Variants in LARGE1 observed in about 807,000 individuals in gnomAD.
LARGE1 encodes the protein xylosyl- and glucuronyltransferase LARGE1.
LARGE1 carries 43 observed loss-of-function variants against 87.6 expected under a neutral mutation model. That is an observed-to-expected ratio of 0.49 (90% confidence interval 0.38 to 0.63). LARGE1 has a LOEUF of 0.63. LARGE1 is among the 30% of genes least tolerant of loss of function. The probability of loss-of-function intolerance (pLI) is 0.00; values close to 1 mark genes in which losing one functional copy is unlikely to be tolerated. For missense variants in LARGE1, 802 were observed against 1,000.2 expected (o/e 0.80, Z 2.67); for synonymous variants, 434 against 394.6 (o/e 1.10, Z -1.18).
chr22:33,253,584 C>T (rs568482392), intron 11 of LARGE1, among the ~76,000 whole-genome samples: 38 of 152,248 alleles, frequency 2.5e-4, no homozygotes, highest in Middle Eastern at 3.4e-3. Context: ...TGGTGGCAGG[C>T]GCCTATAATC....
rs747508359 is a variant in LARGE1, at chr22:33,626,225, G to C, written c.491+19C>G. On this transcript the variant is annotated intron_variant, in intron 4 of 14. Transcript: ENST00000397394. ...GCAGTGACAGACCTCAGCCCACACA[G>C]CACAGAAGTTGTTCTTACCTATGGA... 7 of 1,608,350 alleles carry C rather than the reference G, an allele frequency of 4.4e-6. No homozygotes were observed. The highest frequency in any genetic ancestry group is 5.1e-6 in the Non-Finnish European group (6 of 1,174,882).
At chr22:33,778,878 C>T (rs1180379848) in intron 1 of LARGE1, among the ~76,000 whole-genome samples, 1 of 152,070 alleles carries the variant, frequency 6.6e-6, no homozygotes, top group African/African-American at 2.4e-5. Context: ...CTCGAACTCT[C>T]GACCTCAGGT....
Position 33,275,198 on chromosome 22 carries a change from G to A in LARGE1, c.2074-574C>T, listed in dbSNP as rs1321987558. On this transcript the variant is annotated intron_variant, in intron 14 of 14. Transcript: ENST00000397394. ...AACCTCTCCCTGACACATCTTTATCGCAGGTCACACTGTCACCCAGTATTC... is the reference window on the plus strand; with the variant it reads ...AACCTCTCCCTGACACATCTTTATCACAGGTCACACTGTCACCCAGTATTC... Among the ~76,000 whole-genome samples, 14 of 152,186 alleles carry A rather than the reference G, an allele frequency of 9.2e-5. 1 individual carries two copies. Among genetic ancestry groups the A allele is most frequent in the Admixed American group, 7.2e-4 (11 of 15,294 alleles).
In LARGE1 at chr22:33,337,751, C is replaced by G. The variant is rs751250015; in HGVS notation, c.1182G>C (p.Val394=). The change falls in exon 10 of 15, where the codon GTG becomes GTC. Residue 394 remains valine, a synonymous_variant. Transcript: ENST00000397394. The part of the protein sequence containing the change: ...PKKLRVKNKH[V]EFFRNLYLTF... ...TCAGGTAGAGGTTGCGAAAAAACTC[C>G]ACATGCTTGTTCTTCACCCGGAGCT... 5 of 1,614,198 alleles carry G rather than the reference C, an allele frequency of 3.1e-6. No homozygotes were observed. The highest frequency in any genetic ancestry group is 4.2e-6 in the Non-Finnish European group (5 of 1,180,034).
intron 2 of LARGE1, among the ~76,000 whole-genome samples, chr22:33,747,181 G>C (rs918756629): frequency 6.6e-6 from 1 of 152,182 alleles, no homozygotes; most frequent in Non-Finnish European, 1.5e-5. Flanking sequence ...CTAAAGGCAA[G>C]TCCAGATTGA....
At chr22:33,725,434 T>C (rs2083241209) in intron 2 of LARGE1, among the ~76,000 whole-genome samples, 1 of 152,182 alleles carries the variant, frequency 6.6e-6, no homozygotes, top group Non-Finnish European at 1.5e-5. Context: ...TCCCTCCCAG[T>C]TGAGGGTTCA....
chr22:33,311,605 T>C (rs1346461866), intron 11 of LARGE1, among the ~76,000 whole-genome samples: 2 of 152,214 alleles, frequency 1.3e-5, no homozygotes, highest in Admixed American at 1.3e-4. Context: ...ATGAGTCAAG[T>C]GAGGCTCAAA....
intron 2 of LARGE1, among the ~76,000 whole-genome samples, chr22:33,745,610 A>AT (rs1415447804): frequency 6.6e-6 from 1 of 152,170 alleles, no homozygotes; most frequent in Non-Finnish European, 1.5e-5. Flanking sequence ...TAACTCACAG[A>AT]TACAGCTTCT....
At chr22:33,793,507 A>G (rs1274022986) in intron 1 of LARGE1, among the ~76,000 whole-genome samples, 1 of 152,214 alleles carries the variant, frequency 6.6e-6, no homozygotes, top group Non-Finnish European at 1.5e-5. Context: ...TCCATTTAGG[A>G]AATGAAAGGT....
intron 3 of LARGE1, among the ~76,000 whole-genome samples, chr22:33,636,439 T>TTCA (rs1439090090): frequency 6.6e-6 from 1 of 152,190 alleles, no homozygotes; most frequent in Non-Finnish European, 1.5e-5. Flanking sequence ...GCTCTGACCC[T>TTCA]TCACCTCACC....
intron 6 of LARGE1, among the ~76,000 whole-genome samples, chr22:33,492,419 G>T (rs956431269): frequency 3.3e-5 from 5 of 152,198 alleles, no homozygotes; most frequent in African/African-American, 9.7e-5. Context: ...CACCTCCTGG[G>T]CACCACACTT....
chr22:33,262,827 C>T (rs1341915821), intron 11 of LARGE1, among the ~76,000 whole-genome samples: 3 of 150,206 alleles, frequency 2.0e-5, no homozygotes, highest in Admixed American at 2.0e-4. Flanking sequence ...TTCCTGACTT[C>T]CTTCCTTCAC....
At chr22:33,107,449 C>T in the LARGE1 span, among the ~76,000 whole-genome samples, 19 of 152,138 alleles carry the variant, frequency 1.2e-4, no homozygotes, top group East Asian at 5.8e-4. Flanking sequence ...CAGCTACTTG[C>T]GGGGCTGAGG....
chr22:33,150,625 T>C, the LARGE1 span, among the ~76,000 whole-genome samples: 2 of 152,226 alleles, frequency 1.3e-5, no homozygotes, highest in Non-Finnish European at 2.9e-5. Context: ...AGTTTCTGTA[T>C]AAAGTGTGAG....
intron 13 of LARGE1, among the ~76,000 whole-genome samples, chr22:33,278,818 C>G (rs946981885): frequency 2.0e-5 from 3 of 152,170 alleles, no homozygotes; most frequent in African/African-American, 7.2e-5. Flanking sequence ...CTCCCCGGTT[C>G]AAGCGATTCT....
downstream of LARGE1, among the ~76,000 whole-genome samples, chr22:33,161,790 G>A (rs77127757): frequency 0.013 from 1,928 of 152,302 alleles, 31 homozygotes; most frequent in Admixed American, 0.052. Flanking sequence ...CTGGCATTGA[G>A]TGTCTGTGAC....
the LARGE1 span, among the ~76,000 whole-genome samples, chr22:33,083,629 T>A: frequency 6.6e-6 from 1 of 152,154 alleles, no homozygotes; most frequent in Non-Finnish European, 1.5e-5. Flanking sequence ...TAGTGATCAG[T>A]GGAATAAATA....
chr22:33,251,800 A>T (rs1304640298), intron 11 of LARGE1, among the ~76,000 whole-genome samples: 2 of 152,188 alleles, frequency 1.3e-5, no homozygotes, highest in African/African-American at 4.8e-5. Flanking sequence ...CTGTTTGGGG[A>T]ACAATATGCC....
chr22:33,860,998 G>A (rs1021168179), intron 1 of LARGE1, among the ~76,000 whole-genome samples: 1 of 152,122 alleles, frequency 6.6e-6, no homozygotes, highest in Non-Finnish European at 1.5e-5. Context: ...GGGCACTGTC[G>A]CTAGAGAGAT....
Sources: allele counts gnomAD v4.1 joint callset (sites outside exome capture counted in the v4.1 genomes callset), GRCh38; gene constraint gnomAD v4.1.1; transcripts MANE v1.5; gene names NCBI Gene and HGNC (gene_info 2026-07-23, HGNC 2026-07-21).